The following LMNB1 variants were observed in gnomAD, a reference collection of about 807,000 sequenced individuals.
LMNB1 encodes lamin B1.
In LMNB1, 23 loss-of-function variants were observed where a neutral mutation model predicts 67.1. That is an observed-to-expected ratio of 0.34 (90% confidence interval 0.25 to 0.49). The LOEUF is 0.49. LMNB1 is among the 20% of genes least tolerant of loss of function. LMNB1 has a pLI of 0.99. For synonymous variants in LMNB1, 281 were observed against 282.9 expected, an observed-to-expected ratio of 0.99 and a Z score of 0.07; for missense variants, 634 against 746.5, an observed-to-expected ratio of 0.85 and a Z score of 1.76.
intron 1 of LMNB1, among the ~76,000 whole-genome samples, chr5:126,803,616 G>T (rs557167465): frequency 6.5e-4 from 98 of 151,728 alleles, no homozygotes; most frequent in Non-Finnish European, 1.2e-3. Flanking sequence ...GTGCGGTCTC[G>T]GCTCACTGCA....
chr5:126,780,625 T>C (rs1402367841), intron 1 of LMNB1, among the ~76,000 whole-genome samples: 2 of 152,344 alleles, frequency 1.3e-5, no homozygotes, highest in East Asian at 3.9e-4. Flanking sequence ...AAGGAAGGCC[T>C]GTCTGAGGAG....
At chr5:126,789,036 C>T (rs1246521708) in intron 1 of LMNB1, among the ~76,000 whole-genome samples, 4 of 151,938 alleles carry the variant, frequency 2.6e-5, no homozygotes, top group Admixed American at 6.6e-5. Flanking sequence ...GCTGGGACTA[C>T]AGGCACACAC....
intron 3 of LMNB1, among the ~76,000 whole-genome samples, chr5:126,807,853 G>GTTTTGTTTTTGTTTT (rs1554114268): frequency 6.2e-5 from 9 of 145,348 alleles, no homozygotes; most frequent in African/African-American, 2.3e-4. Context: ...GTCCTCTTCA[G>GTTTTGTTTTTGTTTT]TTTTGTTTTT....
At chr5:126,832,595 T>C (rs1752160769) in intron 9 of LMNB1, 99 bp from the exon 10 acceptor site, 1 of 812,346 alleles carries the variant, frequency 1.2e-6, no homozygotes, top group East Asian at 3.2e-5. Flanking sequence ...CCACTGCGCC[T>C]GGCAAGAAAT....
At chr5:126,790,730 GT>G (rs2112933303) in intron 1 of LMNB1, among the ~76,000 whole-genome samples, 1 of 152,168 alleles carries the variant, frequency 6.6e-6, no homozygotes, top group African/African-American at 2.4e-5. Flanking sequence ...AGCATTGATA[GT>G]TTGGGTATAG....
Position 126,804,881 on chromosome 5 carries a change from C to T in LMNB1, c.465C>T (p.Asp155=), listed in dbSNP as rs947973568. 1 of 1,613,658 alleles carries T rather than the reference C, an allele frequency of 6.2e-7. No homozygotes were observed. The highest frequency in any genetic ancestry group is 8.5e-7 in the Non-Finnish European group (1 of 1,179,864). Residue 155 remains aspartate, a synonymous_variant, in exon 2 of 11, where the codon GAC becomes GAT. Transcript: ENST00000261366. ...CAGCTCTTGCTACTGCACTTGGTGA[C>T]AAAAAAAGTTTAGAGGGAGATTTGG... ...KDAALATALG[D]KKSLEGDLED... is the part of the protein sequence containing the mutation.
chr5:126,783,583 A>AATG (rs1750686438), intron 1 of LMNB1, among the ~76,000 whole-genome samples: 1 of 152,186 alleles, frequency 6.6e-6, no homozygotes. Flanking sequence ...ATGCTTTCAA[A>AATG]AGATGTTTGA....
At chr5:126,806,174 C>T (rs974667401) in intron 3 of LMNB1, among the ~76,000 whole-genome samples, 19 of 152,172 alleles carry the variant, frequency 1.2e-4, no homozygotes, top group African/African-American at 2.6e-4. Flanking sequence ...AGGGTGGTCT[C>T]GATCTCCTGA....
Position 126,787,424 on chromosome 5 carries a change from A to G in LMNB1, c.359+9557A>G, listed in dbSNP as rs1292091916. ...GCCATATATATGTGTATGTGTGTGT[A>G]TATATACATCTTATATGTATATGTT... is the stretch of plus-strand genomic sequence containing the variant. On this transcript the variant is annotated intron_variant, in intron 1 of 10. Transcript: ENST00000261366. 5.4e-5 allele frequency among the ~76,000 whole-genome samples: 6 copies of G among 110,208 alleles called. 1 individual carries two copies. Among genetic ancestry groups the G allele is most frequent in the Middle Eastern group, 9.8e-3 (2 of 204 alleles). The allele number at this position is 110,208 out of a possible 152,430, so 72.3% of individuals were successfully genotyped here. A position where few individuals can be genotyped will look rare whatever the true frequency, so the allele number is the denominator to read the frequency against.
In LMNB1 at chr5:126,777,701, ACGGAGCGCGAGG is replaced by A. The variant is rs1750501507; in HGVS notation, c.194_205del (p.Thr65_Glu69delinsLys). The A allele has an allele frequency of 1.3e-6, 2 of 1,545,376 alleles. No individual in the cohort carries two copies. Among genetic ancestry groups the A allele is most frequent in the African/African-American group, 1.4e-5 (1 of 72,120 alleles). On this transcript the variant is annotated inframe_deletion, in exon 1 of 11. Transcript: ENST00000261366. The stretch of plus-strand genomic sequence containing the variant: ...GAACAGCGCGCTGCAGCTGCAGGTG[ACGGAGCGCGAGG>A]AGGTGCGCGGCCGTGAGCTCACCGG...
Position 126,777,989 on chromosome 5 carries a change from A to G in LMNB1, c.359+122A>G, listed in dbSNP as rs1750516575. 4.6e-6 allele frequency: 4 copies of G among 874,678 alleles called. No individual in the cohort carries two copies. In the East Asian group the frequency reaches 1.3e-4, roughly 29 times the overall value. The allele number at this position is 874,678 out of a possible 1,614,324, so 54.2% of individuals were successfully genotyped here. The stretch of plus-strand genomic sequence containing the variant: ...GGCCAGGATGCACGCGTCCTTCTGA[A>G]GGAACAGGGTCTCGGTCTCCGGAAA... On this transcript the variant is annotated intron_variant, in intron 1 of 10. Coordinates refer to ENST00000261366, the MANE Select transcript of LMNB1 (RefSeq NM_005573.4).
At chr5:126,784,869 A>T (rs542223225) in intron 1 of LMNB1, among the ~76,000 whole-genome samples, 43 of 138,766 alleles carry the variant, frequency 3.1e-4, no homozygotes, top group Middle Eastern at 4.8e-3. Flanking sequence ...TCACCGTGTT[A>T]GCCGGGATGG....
intron 3 of LMNB1, 62 bp from the exon 4 acceptor site, chr5:126,810,118 A>T (rs1580543410): frequency 2.1e-6 from 3 of 1,462,812 alleles, no homozygotes; most frequent in Non-Finnish European, 2.8e-6. Context: ...GATGTCACTC[A>T]GATGTGTACC....
intron 1 of LMNB1, among the ~76,000 whole-genome samples, chr5:126,790,183 A>G (rs2941661): frequency 0.28 from 42,553 of 152,040 alleles, 6,379 homozygotes; most frequent in South Asian, 0.39. Flanking sequence ...TCTGCTCAGT[A>G]TAACCTCCAC....
Position 126,836,426 on chromosome 5 carries a change from T to G in LMNB1, c.*162T>G, listed in dbSNP as rs1420845542. On this transcript the variant is annotated 3_prime_UTR_variant, in exon 11 of 11. Transcript: ENST00000261366. Reference sequence around the variant, plus strand: ...ATTTCCTTTTTGACACTGAAAGTTTTGTAAAAGAAATCATGTCCATACACT... The same window carrying G: ...ATTTCCTTTTTGACACTGAAAGTTTGGTAAAAGAAATCATGTCCATACACT... The G allele has an allele frequency of 3.5e-6, 2 of 567,718 alleles. No individual in the cohort carries two copies. The highest frequency in any genetic ancestry group is 6.3e-6 in the Non-Finnish European group (2 of 318,276). The allele number at this position is 567,718 out of a possible 1,614,324, so 35.2% of individuals were successfully genotyped here. A position where few individuals can be genotyped will look rare whatever the true frequency, so the allele number is the denominator to read the frequency against.
intron 6 of LMNB1, among the ~76,000 whole-genome samples, chr5:126,819,844 C>CA (rs1424709429): frequency 1.3e-5 from 2 of 152,044 alleles, no homozygotes; most frequent in Non-Finnish European, 2.9e-5. Flanking sequence ...CACCTGTTCT[C>CA]AGAAAAGAGT....
chr5:126,833,406 A>G (rs1034345857), intron 10 of LMNB1, among the ~76,000 whole-genome samples: 7 of 152,188 alleles, frequency 4.6e-5, no homozygotes, highest in African/African-American at 1.4e-4. Context: ...TCATTAATCA[A>G]AGTGTCTACC....
chr5:126,779,343 G>C (rs1286623283), intron 1 of LMNB1, among the ~76,000 whole-genome samples: 2 of 152,108 alleles, frequency 1.3e-5, no homozygotes, highest in Admixed American at 1.3e-4. Context: ...TATACAACTC[G>C]AAAATAATAC....
At chr5:126,796,563 T>C (rs17165351) in intron 1 of LMNB1, among the ~76,000 whole-genome samples, 8,415 of 152,156 alleles carry the variant, frequency 0.055, 260 homozygotes, top group Middle Eastern at 0.095. Flanking sequence ...AGAAGGTGCT[T>C]AGGAGCATTT....
Sources: gnomAD v4.1 joint callset for allele counts (sites outside exome capture counted in the v4.1 genomes callset) on GRCh38, gnomAD v4.1.1 for gene constraint, MANE v1.5 for transcripts, NCBI Gene and HGNC (gene_info 2026-07-23, HGNC 2026-07-21) for gene names.